The following ATP5F1A variants were observed in gnomAD, a reference collection of about 807,000 sequenced individuals.
ATP5F1A encodes ATP synthase F1 subunit alpha.
In ATP5F1A, 24 loss-of-function variants were observed where a neutral mutation model predicts 57.4. The ratio of observed to expected loss-of-function variants is 0.42; its 90% CI spans 0.30 to 0.59. ATP5F1A has a LOEUF of 0.59. ATP5F1A is among the 20% of genes least tolerant of loss of function. The pLI is 0.19. For synonymous variants in ATP5F1A, 251 were observed against 255.5 expected, an observed-to-expected ratio of 0.98 and a Z score of 0.17; for missense variants, 494 against 707.9, an observed-to-expected ratio of 0.70 and a Z score of 3.43.
intron 1 of ATP5F1A, among the ~76,000 whole-genome samples, chr18:46,096,225 G>A (rs895473751): frequency 6.6e-6 from 1 of 152,014 alleles, no homozygotes; most frequent in South Asian, 2.1e-4. Context: ...TATTGGCAGG[G>A]CACGGTGGCT....
chr18:46,098,447 T>G, upstream of ATP5F1A: 1 of 1,305,698 alleles, frequency 7.7e-7, no homozygotes, highest in Non-Finnish European at 1.0e-6. Context: ...AGTTTAAACC[T>G]CAAAATGAAT....
Position 46,090,004 on chromosome 18 carries a change from A to C in ATP5F1A, c.310-8T>G. The C allele has an allele frequency of 1.9e-6, 3 of 1,580,684 alleles. No individual in the cohort carries two copies. The highest frequency in any genetic ancestry group is 2.6e-6 in the Non-Finnish European group (3 of 1,164,794). ...CAAGTTCAAGGACATACCCTGCACA[A>C]AAGACACAATTGAACATCAATGAAG... On this transcript the variant is annotated splice_polypyrimidine_tract_variant and splice_region_variant and intron_variant, in intron 3 of 11. Coordinates refer to ENST00000398752, the MANE Select transcript of ATP5F1A (RefSeq NM_004046.6).
chr18:46,096,297 T>C (rs1002342044), intron 1 of ATP5F1A, among the ~76,000 whole-genome samples: 1 of 151,496 alleles, frequency 6.6e-6, no homozygotes, highest in East Asian at 2.0e-4. Context: ...GGTCGGGAGT[T>C]GGAGACCAGC....
At chr18:46,101,222 A>C (rs547550197), upstream of ATP5F1A, among the ~76,000 whole-genome samples, 1 of 152,160 alleles carries the variant, frequency 6.6e-6, no homozygotes, top group African/African-American at 2.4e-5. Flanking sequence ...GGGGATGACA[A>C]GAATGACCCA....
At chr18:46,095,970 C>CCTTCA (rs1325799955) in intron 1 of ATP5F1A, among the ~76,000 whole-genome samples, 1 of 151,880 alleles carries the variant, frequency 6.6e-6, no homozygotes, top group Non-Finnish European at 1.5e-5. Flanking sequence ...CTCATTGCAA[C>CCTTCA]CTTCACCTCC....
rs780679190 is a variant in ATP5F1A at position 46,086,408 on chromosome 18, G to C, written c.1263C>G (p.Ala421=). 24 of 1,614,086 alleles carry C rather than the reference G, an allele frequency of 1.5e-5. No individual in the cohort carries two copies. The highest frequency in any genetic ancestry group is 1.9e-5 in the Non-Finnish European group (23 of 1,180,034). The change falls in exon 9 of 12, where the codon GCC becomes GCG. Residue 421 remains alanine, a synonymous_variant. Coordinates refer to ENST00000398752, the MANE Select transcript of ATP5F1A (RefSeq NM_004046.6). ...GLSVSRVGSA[A]QTRAMKQVAG... is the part of the protein sequence containing the mutation. The stretch of plus-strand genomic sequence containing the variant: ...TTACCTGCTTCATAGCCCTGGTTTG[G>C]GCAGCGGATCCGACACGAGATACAG...
chr18:46,099,364 A>C (rs1245835859), upstream of ATP5F1A: 1 of 151,844 alleles, frequency 6.6e-6, no homozygotes, highest in Non-Finnish European at 1.5e-5. Context: ...TGATATATGC[A>C]AGATTTGTGT....
At chr18:46,103,610 CAAAAAA>C (rs71160711) in intron 1 of ATP5F1A, among the ~76,000 whole-genome samples, 1 of 34,500 alleles carries the variant, frequency 2.9e-5, no homozygotes, top group African/African-American at 1.3e-4. Flanking sequence ...GACTCCATCT[CAAAAAA>C]AAAAAAAAAA....
chr18:46,101,516 G>A (rs1599798546), upstream of ATP5F1A, among the ~76,000 whole-genome samples: 1 of 152,230 alleles, frequency 6.6e-6, no homozygotes. Context: ...AGTGAGCCAG[G>A]TGGAGGTTGC....
upstream of ATP5F1A, among the ~76,000 whole-genome samples, chr18:46,101,525 G>T (rs1252160701): frequency 2.0e-5 from 3 of 152,072 alleles, no homozygotes; most frequent in Non-Finnish European, 4.4e-5. Flanking sequence ...GGTGGAGGTT[G>T]CAGTGAGCCA....
rs1227381825 is a variant in ATP5F1A at position 46,087,096 on chromosome 18, G to T, written c.1088C>A (p.Ser363Tyr). 6.2e-7 allele frequency: 1 copy of T among 1,614,094 alleles called. No homozygotes were observed. Among genetic ancestry groups the T allele is most frequent in the Admixed American group, 1.7e-5 (1 of 59,998 alleles). ...TTCTATGACTGGCAAAGCAGTCAAG[G>T]AGCCACCACCAAAAGCATCGTTCAT... Reference protein sequence around the residue: ...AKMNDAFGGGSLTALPVIETQ... With the variant: ...AKMNDAFGGGYLTALPVIETQ... Residue 363 changes from serine (S) to tyrosine (Y), a missense_variant, in exon 8 of 12, where the codon TCC becomes TAC. Physicochemically the swap from Ser to Tyr is moderately radical, Grantham distance 144. This residue lies in a region of ATP5F1A where 15 missense variants were observed against 16.3 expected (regional missense o/e 0.92). Coordinates refer to ENST00000398752, the MANE Select transcript of ATP5F1A (RefSeq NM_004046.6).
chr18:46,100,621 CA>C (rs1463210126), upstream of ATP5F1A, among the ~76,000 whole-genome samples: 3 of 151,804 alleles, frequency 2.0e-5, no homozygotes, highest in Non-Finnish European at 4.4e-5. Flanking sequence ...AAACAAACAA[CA>C]AAAAAAGAGA....
In ATP5F1A at chr18:46,088,094, A is replaced by T; in HGVS notation, c.799+15T>A. ...ACTTAAGATAATAGCAATGGGACTA[A>T]ATTTCTTTTAATACCTGCATCTGTA... is the stretch of plus-strand genomic sequence containing the variant. On this transcript the variant is annotated intron_variant, in intron 6 of 11. Transcript: ENST00000398752. 6.3e-7 allele frequency: 1 copy of T among 1,588,862 alleles called. No individual in the cohort carries two copies. Among genetic ancestry groups the T allele is most frequent in the Non-Finnish European group, 8.5e-7 (1 of 1,175,060 alleles).
intron 6 of ATP5F1A, 185 bp from the exon 7 acceptor site, chr18:46,087,677 C>T (rs566488147): frequency 1.4e-5 from 9 of 622,938 alleles, no homozygotes; most frequent in South Asian, 1.1e-4. Flanking sequence ...GTCAGGAGTT[C>T]GAGACCAGCC....
upstream of ATP5F1A, chr18:46,098,364 C>A (rs1911142328): frequency 6.9e-5 from 46 of 662,874 alleles, no homozygotes; most frequent in Non-Finnish European, 8.8e-5. Flanking sequence ...TCGCGTTCAC[C>A]ACCTCTCCCC....
chr18:46,100,841 G>A (rs1286075917), upstream of ATP5F1A, among the ~76,000 whole-genome samples: 1 of 152,150 alleles, frequency 6.6e-6, no homozygotes, highest in Non-Finnish European at 1.5e-5. Context: ...GGGAGGCCGA[G>A]GCGGGTGGAT....
intron 2 of ATP5F1A, among the ~76,000 whole-genome samples, chr18:46,092,914 A>G (rs1910669786): frequency 6.6e-6 from 1 of 151,796 alleles, no homozygotes; most frequent in Non-Finnish European, 1.5e-5. Flanking sequence ...TTGGGATGCC[A>G]AAGGGGGTGG....
intron 1 of ATP5F1A, among the ~76,000 whole-genome samples, chr18:46,097,218 T>G (rs1233795638): frequency 6.6e-6 from 1 of 152,056 alleles, no homozygotes; most frequent in African/African-American, 2.4e-5. Flanking sequence ...AATGCTTTTT[T>G]GTTAACAGAA....
intron 2 of ATP5F1A, among the ~76,000 whole-genome samples, chr18:46,092,971 A>C (rs1325147943): frequency 1.3e-5 from 2 of 151,792 alleles, no homozygotes; most frequent in African/African-American, 4.8e-5. Flanking sequence ...AACATGGTGA[A>C]ACCCCCATCT....
Sources: allele counts gnomAD v4.1 joint callset (sites outside exome capture counted in the v4.1 genomes callset), GRCh38; gene constraint gnomAD v4.1.1; regional missense constraint gnomAD v4.1.1; transcripts MANE v1.5; gene names NCBI Gene and HGNC (gene_info 2026-07-23, HGNC 2026-07-21).